The following ATP8A2 variants were observed in gnomAD, a reference collection of about 807,000 sequenced individuals.
ATP8A2 encodes phospholipid-transporting ATPase IB.
In ATP8A2, 100 loss-of-function variants were observed where a neutral mutation model predicts 165.6. That is an observed-to-expected ratio of 0.60 (90% CI 0.51 to 0.71). ATP8A2 has a LOEUF of 0.71. Ranked by LOEUF, ATP8A2 falls within the 30% of genes least tolerant of loss-of-function variation. The pLI, the probability that ATP8A2 is intolerant of heterozygous loss-of-function variation, is 0.00. For missense variants in ATP8A2, 1,227 were observed against 1,479.5 expected, an observed-to-expected ratio of 0.83 and a Z score of 2.80; for synonymous variants, 543 against 548.8, an observed-to-expected ratio of 0.99 and a Z score of 0.15.
At chr13:25,785,210 C>T (rs1475612826) in intron 27 of ATP8A2, among the ~76,000 whole-genome samples, 2 of 151,584 alleles carry the variant, frequency 1.3e-5, no homozygotes, top group Admixed American at 6.6e-5. Context: ...ACCAGCCTGG[C>T]CAACATGGTG....
chr13:25,774,659 T>C (rs1411194456), intron 26 of ATP8A2, among the ~76,000 whole-genome samples, 190 bp from the exon 27 acceptor site: 1 of 152,192 alleles, frequency 6.6e-6, no homozygotes, highest in Admixed American at 6.5e-5. Context: ...ATAATGTAGT[T>C]TCAAGAAGGA....
rs564719775 is a variant in ATP8A2 at position 25,525,908 on chromosome 13, G to C, written c.222-4091G>C. Among the ~76,000 whole-genome samples, 106 of 152,102 alleles carry C rather than the reference G, an allele frequency of 7.0e-4. 1 individual carries two copies. The highest frequency in any genetic ancestry group is 2.5e-3 in the African/African-American group (102 of 41,520). The stretch of plus-strand genomic sequence containing the variant: ...AGTAAGCTTTTTACTCCTTGCTCTT[G>C]TTTAACTCCCTCTTGAACACCAGTG... On this transcript the variant is annotated intron_variant, in intron 2 of 36. Coordinates refer to ENST00000381655, the MANE Select transcript of ATP8A2 (RefSeq NM_016529.6).
chr13:25,842,509 TA>T (rs1340925343), intron 30 of ATP8A2, among the ~76,000 whole-genome samples: 7 of 151,946 alleles, frequency 4.6e-5, no homozygotes, highest in Non-Finnish European at 1.0e-4. Flanking sequence ...CCGTCTCTAC[TA>T]AAAATACTAA....
chr13:25,674,064 A>G (rs574634793), intron 24 of ATP8A2, among the ~76,000 whole-genome samples: 194 of 152,322 alleles, frequency 1.3e-3, no homozygotes, highest in Admixed American at 3.5e-3. Context: ...TCCTGCCATA[A>G]ACGGAGACTT....
intron 23 of ATP8A2, among the ~76,000 whole-genome samples, chr13:25,587,132 C>G (rs1265538504): frequency 6.6e-6 from 1 of 152,196 alleles, no homozygotes; most frequent in Non-Finnish European, 1.5e-5. Flanking sequence ...ATACCTGGCT[C>G]TTCTCCAAGA....
At chr13:25,739,855 C>G (rs1410051505) in intron 25 of ATP8A2, among the ~76,000 whole-genome samples, 2 of 152,140 alleles carry the variant, frequency 1.3e-5, no homozygotes, top group Non-Finnish European at 2.9e-5. Flanking sequence ...AAAGTGCACA[C>G]TAATGCGGCT....
intron 30 of ATP8A2, among the ~76,000 whole-genome samples, chr13:25,849,043 G>A (rs1951945345): frequency 6.6e-6 from 1 of 152,104 alleles, no homozygotes; most frequent in Non-Finnish European, 1.5e-5. Flanking sequence ...TTAATGTTCT[G>A]GAATCCCGGC....
At chr13:25,785,471 A>T (rs2045000754) in intron 27 of ATP8A2, among the ~76,000 whole-genome samples, 1 of 152,158 alleles carries the variant, frequency 6.6e-6, no homozygotes, top group Admixed American at 6.5e-5. Context: ...TTTCATTCTT[A>T]TGTAGTTGAC....
intron 27 of ATP8A2, among the ~76,000 whole-genome samples, chr13:25,827,758 C>T (rs751093290): frequency 3.3e-5 from 5 of 152,230 alleles, no homozygotes; most frequent in African/African-American, 4.8e-5. Context: ...AAAGACACAT[C>T]GTATTTCTCA....
At position 26,025,417 on chromosome 13, in the gene ATP8A2, A is replaced by G. The variant is rs1283668309; in HGVS notation, c.*5432A>G. 2.6e-5 allele frequency: 4 copies of G among 152,212 alleles called. No individual in the cohort carries two copies. The highest frequency in any genetic ancestry group is 4.8e-5 in the African/African-American group (2 of 41,430). 9.4% of individuals were successfully genotyped at this position (152,212 alleles called of 1,614,324 possible). ...CACTGAATTGTCGTTCAAATGCATC[A>G]TCTTTGTGGCGTCTTTCTCATGCGA... On this transcript the variant is annotated 3_prime_UTR_variant, in exon 37 of 37. Coordinates refer to ENST00000381655, the MANE Select transcript of ATP8A2 (RefSeq NM_016529.6).
chr13:25,931,698 C>T (rs1954772345), intron 33 of ATP8A2, among the ~76,000 whole-genome samples: 1 of 152,052 alleles, frequency 6.6e-6, no homozygotes, highest in Non-Finnish European at 1.5e-5. Context: ...ATCTTGAAGC[C>T]CGTGGCCAAC....
chr13:25,517,888 T>C (rs796933172), intron 2 of ATP8A2, among the ~76,000 whole-genome samples: 14 of 152,368 alleles, frequency 9.2e-5, no homozygotes, highest in African/African-American at 3.1e-4. Context: ...TGCTCATATG[T>C]TACCATTGAC....
rs116922299 is a variant in ATP8A2 at position 25,799,258 on chromosome 13, A to T, written c.2679+24299A>T. 5.9e-5 allele frequency among the ~76,000 whole-genome samples: 9 copies of T among 152,292 alleles called. No individual in the cohort carries two copies. In the East Asian group the frequency reaches 1.5e-3, roughly 26 times the overall value. On this transcript the variant is annotated intron_variant, in intron 27 of 36. Transcript: ENST00000381655. ...CAACCTTTGTGCAGATTTCCCTTGGATTCAACCTTCTATCCTTGATGATAA... is the reference window on the plus strand; with the variant it reads ...CAACCTTTGTGCAGATTTCCCTTGGTTTCAACCTTCTATCCTTGATGATAA...
At chr13:25,735,749 A>G (rs1266843029) in intron 25 of ATP8A2, among the ~76,000 whole-genome samples, 2 of 152,190 alleles carry the variant, frequency 1.3e-5, no homozygotes, top group African/African-American at 4.8e-5. Flanking sequence ...GAGCTAGAAA[A>G]TTCCTTTCAC....
chr13:25,741,676 C>A (rs1331343915), intron 25 of ATP8A2, among the ~76,000 whole-genome samples: 1 of 152,064 alleles, frequency 6.6e-6, no homozygotes, highest in Non-Finnish European at 1.5e-5. Context: ...CATATCTGGC[C>A]AACATTTTAG....
intron 1 of ATP8A2, among the ~76,000 whole-genome samples, chr13:25,404,992 G>T (rs1392207771): frequency 6.6e-6 from 1 of 152,170 alleles, no homozygotes; most frequent in Non-Finnish European, 1.5e-5. Flanking sequence ...TGGCCAGAGC[G>T]CTGGGGGAAA....
chr13:25,380,828 T>G (rs1356435836), intron 1 of ATP8A2, among the ~76,000 whole-genome samples: 1 of 152,190 alleles, frequency 6.6e-6, no homozygotes, highest in Non-Finnish European at 1.5e-5. Context: ...ACTTGTCTGG[T>G]CTTCCAAGGG....
chr13:25,537,311 A>G (rs1388795257), intron 6 of ATP8A2, among the ~76,000 whole-genome samples: 1 of 152,108 alleles, frequency 6.6e-6, no homozygotes, highest in Non-Finnish European at 1.5e-5. Context: ...TTGCCTTTTA[A>G]TCAGAGCATT....
At chr13:25,702,305 A>G (rs907568239) in intron 25 of ATP8A2, among the ~76,000 whole-genome samples, 3 of 152,248 alleles carry the variant, frequency 2.0e-5, no homozygotes, top group African/African-American at 4.8e-5. Context: ...CCTTTAAACT[A>G]AAACAGTACT....
Sources: gnomAD v4.1 joint callset for allele counts (sites outside exome capture counted in the v4.1 genomes callset) on GRCh38, gnomAD v4.1.1 for gene constraint, MANE v1.5 for transcripts, NCBI Gene and HGNC (gene_info 2026-07-23, HGNC 2026-07-21) for gene names.